The following BPIFC variants were observed in gnomAD, a reference collection of about 807,000 sequenced individuals.
The protein encoded by BPIFC is BPI fold-containing family C protein.
In BPIFC, 60 loss-of-function variants were observed where a neutral mutation model predicts 57.6. That is an observed-to-expected ratio of 1.04 (90% CI 0.85 to 1.29). The LOEUF (loss-of-function observed/expected upper bound fraction) is 1.29, where lower values mean the gene tolerates loss of function less well. Among genes scored for constraint, BPIFC ranks in the 50% most tolerant of loss-of-function variants. BPIFC has a pLI of 0.00. For missense variants in BPIFC, 581 were observed against 600.5 expected, an observed-to-expected ratio of 0.97 and a Z score of 0.34; for synonymous variants, 243 against 224.5, an observed-to-expected ratio of 1.08 and a Z score of -0.74.
chr22:32,433,055 T>C (rs1395919015), intron 11 of BPIFC, among the ~76,000 whole-genome samples: 1 of 151,976 alleles, frequency 6.6e-6, no homozygotes, highest in Non-Finnish European at 1.5e-5. Flanking sequence ...ATAGAAAAAT[T>C]AGCTGGGCAT....
chr22:32,426,227 G>A (rs1263493731), intron 13 of BPIFC, among the ~76,000 whole-genome samples: 5 of 152,186 alleles, frequency 3.3e-5, no homozygotes, highest in Admixed American at 6.5e-5. Flanking sequence ...TCTCAGGGAT[G>A]TTCCACTGAT....
chr22:32,445,630 C>T lies in BPIFC; in HGVS notation c.594+5G>A, dbSNP rs749253005. ...ACTGTGGTTGCCTAACCTCTAAAGA[C>T]TCACCATTTCATTTAAGTTCTTTAA... is the stretch of plus-strand genomic sequence containing the variant. On this transcript the variant is annotated splice_donor_5th_base_variant and intron_variant, in intron 7 of 16. Transcript: ENST00000300399. The T allele has an allele frequency of 6.3e-7, 1 of 1,598,410 alleles. No homozygotes were observed. The highest frequency in any genetic ancestry group is 8.5e-7 in the Non-Finnish European group (1 of 1,173,692).
chr22:32,432,297 A>G, intron 12 of BPIFC, 76 bp downstream of exon 12: 2 of 1,514,498 alleles, frequency 1.3e-6, no homozygotes, highest in Non-Finnish European at 1.8e-6. Flanking sequence ...CAAACGTTTA[A>G]AAGCTGCTGG....
At chr22:32,424,518 C>T (rs755551044) in intron 13 of BPIFC, among the ~76,000 whole-genome samples, 9 of 149,048 alleles carry the variant, frequency 6.0e-5, no homozygotes, top group Non-Finnish European at 1.3e-4. Context: ...TATGGGTTTC[C>T]TCTTCCAGGC....
intron 4 of BPIFC, among the ~76,000 whole-genome samples, chr22:32,450,590 T>A (rs532992973): frequency 6.6e-6 from 1 of 152,182 alleles, no homozygotes; most frequent in East Asian, 1.9e-4. Context: ...AAATTACTAA[T>A]GAGATATTTT....
intron 10 of BPIFC, 98 bp from the exon 11 acceptor site, chr22:32,433,870 C>A: frequency 1.0e-6 from 1 of 1,002,582 alleles, no homozygotes; most frequent in Non-Finnish European, 1.6e-6. Context: ...AATTGTGAAG[C>A]TGTTACACCA....
chr22:32,446,688 C>A, intron 5 of BPIFC: 1 of 942,994 alleles, frequency 1.1e-6, no homozygotes, highest in Non-Finnish European at 1.3e-6. Flanking sequence ...AACATTACAC[C>A]CAGAACAGTG....
intron 13 of BPIFC, among the ~76,000 whole-genome samples, chr22:32,427,226 C>T (rs1022741166): frequency 1.3e-5 from 2 of 152,320 alleles, no homozygotes; most frequent in African/African-American, 2.4e-5. Context: ...CATAAATAAA[C>T]ATAACAGCCA....
chr22:32,424,325 G>A (rs1179836874), intron 13 of BPIFC, among the ~76,000 whole-genome samples: 1 of 152,126 alleles, frequency 6.6e-6, no homozygotes, highest in East Asian at 1.9e-4. Context: ...TGTATTATTA[G>A]AATTGCTAGT....
intron 3 of BPIFC, among the ~76,000 whole-genome samples, chr22:32,456,400 C>T (rs924378458): frequency 6.6e-6 from 1 of 151,552 alleles, no homozygotes; most frequent in Non-Finnish European, 1.5e-5. Flanking sequence ...TCCCTCCCTC[C>T]CTCCTTCCCT....
chr22:32,416,588 A>C (rs1305896802), intron 15 of BPIFC, among the ~76,000 whole-genome samples: 2 of 152,206 alleles, frequency 1.3e-5, no homozygotes, highest in Non-Finnish European at 2.9e-5. Flanking sequence ...ATACATAATT[A>C]GTGGGTCTTG....
At chr22:32,425,709 C>T (rs1262290255) in intron 13 of BPIFC, among the ~76,000 whole-genome samples, 5 of 152,098 alleles carry the variant, frequency 3.3e-5, no homozygotes, top group Non-Finnish European at 7.3e-5. Flanking sequence ...CTTACAACTC[C>T]GTGTCTCCAG....
chr22:32,453,679 CAGAGAGGCT>C (rs1934960516), intron 3 of BPIFC, among the ~76,000 whole-genome samples, 176 bp from the exon 4 acceptor site: 1 of 152,182 alleles, frequency 6.6e-6, no homozygotes, highest in South Asian at 2.1e-4. Context: ...CTCTGGTTCT[CAGAGAGGCT>C]AAGGAACTTG....
chr22:32,444,295 GAGA>G (rs891424199), intron 7 of BPIFC, among the ~76,000 whole-genome samples: 25 of 152,270 alleles, frequency 1.6e-4, no homozygotes, highest in East Asian at 9.7e-4. Flanking sequence ...GGTAAGGATG[GAGA>G]AGGACTATAA....
In BPIFC at chr22:32,430,457, A is replaced by G. The variant is rs1601455064; in HGVS notation, c.1217+890T>C. Among the ~76,000 whole-genome samples the G allele has an allele frequency of 2.0e-5, 3 of 150,386 alleles. No individual in the cohort carries two copies. The East Asian group carries it at 5.8e-4, about 29-fold the overall frequency. On this transcript the variant is annotated intron_variant, in intron 13 of 16. Transcript: ENST00000300399. Reference sequence around the variant, plus strand: ...ACACTTCTATTACAGAATTATATATATATTCTTTGTATGTTTATATAAAAT... The same window carrying G: ...ACACTTCTATTACAGAATTATATATGTATTCTTTGTATGTTTATATAAAAT...
At position 32,445,661 on chromosome 22, in the gene BPIFC, G is replaced by A. The variant is rs777448631; in HGVS notation, c.568C>T (p.Pro190Ser). 2.0e-6 allele frequency: 3 copies of A among 1,500,596 alleles called. No individual in the cohort carries two copies. In the South Asian group the frequency reaches 3.4e-5, roughly 17 times the overall value. The allele number at this position is 1,500,596 out of a possible 1,614,324, so 93.0% of individuals were successfully genotyped here. ...YNSFAEPMEK[P>S]ILKNLNEMLC... ...ATTTCATTTAAGTTCTTTAAAATGG[G>A]TTTCTCCATGGGCTCAGCAAAGGAG... Residue 190 changes from proline (P) to serine (S), a missense_variant, in exon 7 of 17, where the codon CCC (proline) becomes TCC (serine). Pro to Ser is a moderately conservative substitution (Grantham distance 74). Coordinates refer to ENST00000300399, the MANE Select transcript of BPIFC (RefSeq NM_174932.3).
intron 7 of BPIFC, among the ~76,000 whole-genome samples, chr22:32,445,349 A>G (rs1054556108): frequency 2.6e-5 from 4 of 152,160 alleles, no homozygotes; most frequent in Non-Finnish European, 5.9e-5. Flanking sequence ...CATCCCGGCC[A>G]ACACAGTGAA....
At chr22:32,431,676 A>T (rs186726600) in intron 12 of BPIFC, among the ~76,000 whole-genome samples, 1 of 151,554 alleles carries the variant, frequency 6.6e-6, no homozygotes. Context: ...ATGTGTGTGT[A>T]TGTGCCTATG....
intron 8 of BPIFC, among the ~76,000 whole-genome samples, chr22:32,440,028 A>C (rs1361503739): frequency 1.3e-5 from 2 of 152,184 alleles, no homozygotes; most frequent in Non-Finnish European, 2.9e-5. Context: ...GAAAGCTAGA[A>C]CATGGTGATC....
Sources: allele counts gnomAD v4.1 joint callset (sites outside exome capture counted in the v4.1 genomes callset), GRCh38; gene constraint gnomAD v4.1.1; transcripts MANE v1.5; gene names NCBI Gene and HGNC (gene_info 2026-07-23, HGNC 2026-07-21).